The following TTN variants were observed in gnomAD, a reference collection of about 807,000 sequenced individuals.
The protein encoded by TTN is titin.
TTN carries 1,525 observed loss-of-function variants against 3,223.0 expected under a neutral mutation model. The ratio of observed to expected loss-of-function variants is 0.47; its 90% confidence interval spans 0.45 to 0.49. The LOEUF (loss-of-function observed/expected upper bound fraction) is 0.49, where lower values mean the gene tolerates loss of function less well. Among genes scored for constraint, TTN ranks in the 20% least tolerant of loss-of-function variants. The pLI, the probability that TTN is intolerant of heterozygous loss-of-function variation, is 0.00. For synonymous variants in TTN, 14,094 were observed against 15,161.0 expected (o/e 0.93, Z 5.17); for missense variants, 40,786 against 43,424.0 (o/e 0.94, Z 5.40).
At position 178,733,141 on chromosome 2, in the gene TTN, G is replaced by A. The variant is rs766888056; in HGVS notation, c.16055-20C>T. On this transcript the variant is annotated intron_variant, in intron 54 of 362. Transcript: ENST00000589042. The stretch of plus-strand genomic sequence containing the variant: ...CTCGATCTGTGTGTTGCACAAGAAG[G>A]GAGAAAAGGTCAATATAGAAGAGTG... The A allele has an allele frequency of 1.3e-6, 2 of 1,568,682 alleles. No individual in the cohort carries two copies. Among genetic ancestry groups the A allele is most frequent in the African/African-American group, 2.7e-5 (2 of 73,768 alleles).
chr2:178,759,101 C>G lies in TTN; in HGVS notation c.10186G>C (p.Glu3396Gln). The G allele has an allele frequency of 6.2e-7, 1 of 1,614,006 alleles. No individual in the cohort carries two copies. Among genetic ancestry groups the G allele is most frequent in the East Asian group, 2.2e-5 (1 of 44,838 alleles). Residue 3396 changes from glutamate to glutamine, a missense_variant, in exon 44 of 363, where the codon GAA becomes CAA. Physicochemically the swap from Glu to Gln is conservative, Grantham distance 29. Coordinates refer to ENST00000589042, the MANE Select transcript of TTN (RefSeq NM_001267550.2). ...GCAATTTCCAGTTGATAAGTGTCTT[C>G]AAATTGAGTCATTCTAAAGAACCGA... ...PSRFFRMTQF[E>Q]DTYQLEIAEA...
Position 178,776,808 on chromosome 2 carries a change from G to A in TTN, c.5056C>T (p.Gln1686Ter). 6.2e-7 allele frequency: 1 copy of A among 1,613,984 alleles called. No individual in the cohort carries two copies. Among genetic ancestry groups the A allele is most frequent in the Non-Finnish European group, 8.5e-7 (1 of 1,179,984 alleles). Residue 1686 changes from glutamine (Q) to a stop codon, truncating the protein, a stop_gained, in exon 28 of 363, where the codon CAA becomes TAA. Transcript: ENST00000589042. LOFTEE classifies it high-confidence loss of function. ...AGATCACCTTCTTCCCATTGCTCTT[G>A]GCCATATCGCAAATGGAGGGGCTCC... ...ELEPLHLRYG[Q>*]EQWEEGDLYD...
chr2:178,736,952 CT>C (rs1390373123), intron 49 of TTN, among the ~76,000 whole-genome samples: 18 of 152,092 alleles, frequency 1.2e-4, no homozygotes, highest in Non-Finnish European at 5.9e-5. Context: ...TGCCCTTCCC[CT>C]TGATATTCTC....
intron 174 of TTN, 32 bp downstream of exon 174, chr2:178,662,934 C>T (rs772310199): frequency 4.3e-6 from 7 of 1,610,316 alleles, no homozygotes; most frequent in East Asian, 2.2e-5. Flanking sequence ...TTCCCCAGGG[C>T]CCCCCGACTG....
In TTN at chr2:178,575,047, C is replaced by A. The variant is rs1709558707; in HGVS notation, c.71085G>T (p.Glu23695Asp). 6.2e-7 allele frequency: 1 copy of A among 1,613,348 alleles called. No individual in the cohort carries two copies. The highest frequency in any genetic ancestry group is 1.3e-5 in the African/African-American group (1 of 74,918). ...AGGGCCCACTATCACTTCTGACACA[C>A]TCATTGATATTTAAAATGGTTGAAG... ...TATSTILNIN[E>D]CVRSDSGPYP... is the part of the protein sequence containing the mutation. The change falls in exon 326 of 363, where the codon GAG becomes GAT. Residue 23695 changes from glutamate (E) to aspartate (D), a missense_variant. Transcript: ENST00000589042. The surrounding 1 kb of genome is among the most constrained non-coding windows in gnomAD (Gnocchi z 4.0).
rs727503639 is a variant in TTN at position 178,705,167 on chromosome 2, A to G, written c.29604+7T>C. On this transcript the variant is annotated splice_region_variant and intron_variant, in intron 103 of 362. Transcript: ENST00000589042. ...TTTAGCATGATGCTATATATGAAGG[A>G]GCATACCAGTCTATGTGTCTCTTCT... The G allele has an allele frequency of 6.2e-7, 1 of 1,610,874 alleles. No individual in the cohort carries two copies. The highest frequency in any genetic ancestry group is 1.7e-5 in the Admixed American group (1 of 59,398).
chr2:178,599,628 T>C lies in TTN; in HGVS notation c.56273A>G (p.Asp18758Gly). ...AGCTGTGATGGTATATAAGCCAGTGTCACTCCTGCGAGACTGCGGAATAAC... is the reference window on the plus strand; with the variant it reads ...AGCTGTGATGGTATATAAGCCAGTGCCACTCCTGCGAGACTGCGGAATAAC... ...TLVIPQSRRS[D>G]TGLYTITAVN... The change falls in exon 289 of 363, where the codon GAC (aspartate) becomes GGC (glycine). Residue 18758 changes from aspartate to glycine, a missense_variant. Asp to Gly is a moderately conservative substitution (Grantham distance 94, BLOSUM62 -1). Transcript: ENST00000589042. The C allele has an allele frequency of 6.2e-7, 1 of 1,612,268 alleles. No homozygotes were observed. The highest frequency in any genetic ancestry group is 8.5e-7 in the Non-Finnish European group (1 of 1,179,040).
At chr2:178,774,796 A>G in intron 29 of TTN, 125 bp downstream of exon 29, 1 of 1,127,078 alleles carries the variant, frequency 8.9e-7, no homozygotes, top group Non-Finnish European at 1.3e-6. Flanking sequence ...GATTCTGGCT[A>G]TGAAACTTAT....
intron 109 of TTN, 86 bp downstream of exon 109, chr2:178,701,954 T>A: frequency 7.8e-7 from 1 of 1,290,236 alleles, no homozygotes; most frequent in African/African-American, 1.5e-5. Flanking sequence ...GAAAGATATC[T>A]TATACATTTT....
chr2:178,534,308 T>C lies in TTN; in HGVS notation c.102307A>G (p.Asn34103Asp). The C allele has an allele frequency of 6.2e-7, 1 of 1,613,710 alleles. No homozygotes were observed. The change falls in exon 358 of 363, where the codon AAC (asparagine) becomes GAC (aspartate). Residue 34103 changes from asparagine (N) to aspartate (D), a missense_variant. Physicochemically the swap from Asn to Asp is conservative, Grantham distance 23. Coordinates refer to ENST00000589042, the MANE Select transcript of TTN (RefSeq NM_001267550.2). ...YYHTLIKKDL[N>D]MVVSAARISC... ...ATCCGGGCTGCTGACACAACCATGT[T>C]GAGGTCTTTCTTGATCAGGGTGTGG...
chr2:178,702,718 T>C, intron 106 of TTN, 55 bp from the exon 107 acceptor site: 8 of 1,483,140 alleles, frequency 5.4e-6, no homozygotes, highest in Non-Finnish European at 6.4e-6. Context: ...GAATTTCTTT[T>C]ACTTGCTTTT....
intron 47 of TTN, among the ~76,000 whole-genome samples, chr2:178,752,392 G>T (rs569955022): frequency 6.6e-6 from 1 of 152,134 alleles, no homozygotes; most frequent in Admixed American, 6.6e-5. Flanking sequence ...CTTGCAGAGA[G>T]TGGAATAAAC....
chr2:178,718,247 C>A lies in TTN; in HGVS notation c.24785-26G>T, dbSNP rs760798456. 6.3e-6 allele frequency: 10 copies of A among 1,591,204 alleles called. No individual in the cohort carries two copies. The African/African-American group carries it at 1.3e-4, about 21-fold the overall frequency. On this transcript the variant is annotated intron_variant, in intron 85 of 362. Transcript: ENST00000589042. ...CTATGGTACAAAGGATGGTAGTCAG[C>A]AAGTCAGTCATGCCATGTAAAAGAG...
rs1477752765 is a variant in TTN at position 178,597,964 on chromosome 2, G to A, written c.57206C>T (p.Ala19069Val). 1.2e-6 allele frequency: 2 copies of A among 1,613,198 alleles called. No homozygotes were observed. The highest frequency in any genetic ancestry group is 1.7e-6 in the Non-Finnish European group (2 of 1,179,576). ...YKFRVRAVNI[A>V]GIGEPGEVTD... ...GACCTCTCCAGGTTCTCCAATGCCA[G>A]CAATGTTGACTGCTCTAACTCTAAA... is the stretch of plus-strand genomic sequence containing the variant. Residue 19069 changes from alanine (A) to valine (V), a missense_variant, in exon 293 of 363, where the codon GCT becomes GTT. Ala to Val is a moderately conservative substitution (Grantham distance 64). Coordinates refer to ENST00000589042, the MANE Select transcript of TTN (RefSeq NM_001267550.2).
At chr2:178,645,141 A>T (rs781289541) in intron 217 of TTN, 1 of 152,114 alleles carries the variant, frequency 6.6e-6, no homozygotes, top group African/African-American at 2.4e-5. Flanking sequence ...ACGTCACAAG[A>T]CAACTTTTTA....
At position 178,592,268 on chromosome 2, in the gene TTN, C is replaced by T. The variant is rs745418262; in HGVS notation, c.59636G>A (p.Gly19879Glu). The T allele has an allele frequency of 1.9e-6, 3 of 1,609,548 alleles. No individual in the cohort carries two copies. The Admixed American group carries it at 5.1e-5, about 27-fold the overall frequency. ...ACTGACTTCCAGATCTCTAGGTGGC[C>T]CAGGTTTATCTAAAAAGTGTTAAAT... ...SVKVLVLDKPGPPRDLEVSEI... is the reference protein window; with the variant it reads ...SVKVLVLDKPEPPRDLEVSEI... The change falls in exon 302 of 363, where the codon GGG becomes GAG. Residue 19879 changes from glycine to glutamate, a missense_variant. Gly to Glu is a moderately conservative substitution (Grantham distance 98, BLOSUM62 -2). Transcript: ENST00000589042.
At position 178,652,467 on chromosome 2, in the gene TTN, G is replaced by T; in HGVS notation, c.39118C>A (p.Pro13040Thr). Residue 13040 changes from proline (P) to threonine (T), a missense_variant, in exon 202 of 363, where the codon CCT becomes ACT. Pro to Thr is a conservative substitution (Grantham distance 38, BLOSUM62 -1). Coordinates refer to ENST00000589042, the MANE Select transcript of TTN (RefSeq NM_001267550.2). ...AATCAGTGACAAATACCTTTAACAG[G>T]TGTGACTTCAGGCTTTTTAGGAGGA... ...AAPPKKPEVTPVKVPEAPKEV... is the reference protein window; with the variant it reads ...AAPPKKPEVTTVKVPEAPKEV... 6.2e-7 allele frequency: 1 copy of T among 1,613,358 alleles called. No homozygotes were observed. Among genetic ancestry groups the T allele is most frequent in the Non-Finnish European group, 8.5e-7 (1 of 1,179,492 alleles).
chr2:178,732,879 T>C lies in TTN; in HGVS notation c.16297A>G (p.Asn5433Asp), dbSNP rs749623638. 5 of 1,613,370 alleles carry C rather than the reference T, an allele frequency of 3.1e-6. No individual in the cohort carries two copies. Among genetic ancestry groups the C allele is most frequent in the Non-Finnish European group, 2.5e-6 (3 of 1,179,608 alleles). Residue 5433 changes from asparagine (N) to aspartate (D), a missense_variant, in exon 55 of 363, where the codon AAT becomes GAT. Coordinates refer to ENST00000589042, the MANE Select transcript of TTN (RefSeq NM_001267550.2). ...CTGCTGTCTTTGCTTCCCACGGAAT[T>C]TGTGGCTCGACAAGTGAAATTCCCT... ...DAGNFTCRAT[N>D]SVGSKDSSGA...
intron 170 of TTN, 33 bp from the exon 171 acceptor site, chr2:178,663,743 G>T: frequency 6.2e-7 from 1 of 1,612,266 alleles, no homozygotes. Flanking sequence ...ACATTCAGAA[G>T]TTATGAAGAC....
Sources: gnomAD v4.1 joint callset for allele counts (sites outside exome capture counted in the v4.1 genomes callset) on GRCh38, gnomAD v4.1.1 for gene constraint, Gnocchi (gnomAD v3.1) non-coding constraint, MANE v1.5 for transcripts, NCBI Gene and HGNC (gene_info 2026-07-23, HGNC 2026-07-21) for gene names.